The following FANCD2 variants were observed in gnomAD, a reference collection of about 807,000 sequenced individuals.
The protein encoded by FANCD2 is Fanconi anemia group D2 protein.
A neutral mutation model predicts 192.3 loss-of-function variants in FANCD2; 131 were observed. That is an observed-to-expected ratio of 0.68 (90% CI 0.59 to 0.79). The LOEUF (loss-of-function observed/expected upper bound fraction) is 0.79. FANCD2 is among the 30% of genes least tolerant of loss of function. FANCD2 has a pLI of 0.00. For synonymous variants in FANCD2, 524 were observed against 612.5 expected, an observed-to-expected ratio of 0.86 and a Z score of 2.13; for missense variants, 1,508 against 1,701.6, an observed-to-expected ratio of 0.89 and a Z score of 2.00.
chr3:10,081,581 G>T (rs1284701226), intron 32 of FANCD2, 117 bp downstream of exon 32: 2 of 816,280 alleles, frequency 2.5e-6, no homozygotes, highest in Non-Finnish European at 4.3e-6. Flanking sequence ...TGTGAATATG[G>T]TTCATTAATT....
intron 9 of FANCD2, chr3:10,041,332 C>T (rs1165011544): frequency 1.1e-4 from 37 of 322,234 alleles, no homozygotes; most frequent in Non-Finnish European, 2.9e-5. Context: ...TTTCTTTTTC[C>T]TTTTTGCGGG....
At chr3:10,096,865 A>T in intron 42 of FANCD2, among the ~76,000 whole-genome samples, 1 of 152,176 alleles carries the variant, frequency 6.6e-6, no homozygotes, top group East Asian at 1.9e-4. Context: ...GTCTTATTCC[A>T]GAAATTACAA....
At chr3:10,089,060 A>C in intron 36 of FANCD2, 110 bp downstream of exon 36, 1 of 1,252,556 alleles carries the variant, frequency 8.0e-7, no homozygotes. Flanking sequence ...AGGCAGGAGG[A>C]TCACCTTGAG....
chr3:10,035,516 T>C (rs1363804601), intron 6 of FANCD2, among the ~76,000 whole-genome samples: 1 of 152,240 alleles, frequency 6.6e-6, no homozygotes, highest in African/African-American at 2.4e-5. Context: ...TCTGGTAATC[T>C]TTATCATATT....
chr3:10,090,281 C>A lies in FANCD2; in HGVS notation c.3684-11C>A. 1.2e-6 allele frequency: 2 copies of A among 1,608,208 alleles called. No individual in the cohort carries two copies. Among genetic ancestry groups the A allele is most frequent in the Admixed American group, 1.7e-5 (1 of 59,916 alleles). ...CATGGTGTGGGCACGCATGCTTTTCCCGTCTTCTAGGCATACTTTTGTTGT... is the reference window on the plus strand; with the variant it reads ...CATGGTGTGGGCACGCATGCTTTTCACGTCTTCTAGGCATACTTTTGTTGT... On this transcript the variant is annotated splice_polypyrimidine_tract_variant and intron_variant, in intron 36 of 43. Coordinates refer to ENST00000675286, the MANE Select transcript of FANCD2 (RefSeq NM_001018115.3).
At chr3:10,062,290 C>G (rs2125030173) in intron 20 of FANCD2, 79 bp downstream of exon 20, 1 of 1,172,440 alleles carries the variant, frequency 8.5e-7, no homozygotes, top group Non-Finnish European at 1.2e-6. Context: ...ACCCAACCTG[C>G]AGTGCAGTGG....
chr3:10,087,014 G>A, intron 33 of FANCD2, 120 bp from the exon 34 acceptor site: 1 of 1,071,764 alleles, frequency 9.3e-7, no homozygotes, highest in Non-Finnish European at 1.4e-6. Context: ...CTGAAAATAA[G>A]GAGGATTCTG....
chr3:10,066,217 A>G (rs1237989648), intron 25 of FANCD2, among the ~76,000 whole-genome samples: 1 of 152,212 alleles, frequency 6.6e-6, no homozygotes, highest in Non-Finnish European at 1.5e-5. Flanking sequence ...CCTTCTCCCT[A>G]GAATGACCTT....
chr3:10,084,901 C>T (rs1344029236), intron 32 of FANCD2, among the ~76,000 whole-genome samples: 1 of 152,040 alleles, frequency 6.6e-6, no homozygotes, highest in African/African-American at 2.4e-5. Flanking sequence ...CTTCTGGCAG[C>T]AGAGTGCAGG....
chr3:10,094,231 CAG>C, intron 39 of FANCD2, 56 bp from the exon 40 acceptor site: 1 of 1,309,430 alleles, frequency 7.6e-7, no homozygotes, highest in Non-Finnish European at 1.1e-6. Context: ...TATTCTGCCT[CAG>C]GGGCCTTTCA....
intron 26 of FANCD2, among the ~76,000 whole-genome samples, chr3:10,069,692 A>T (rs1381638679): frequency 6.6e-6 from 1 of 151,988 alleles, no homozygotes; most frequent in Non-Finnish European, 1.5e-5. Flanking sequence ...TCCAGCTCCT[A>T]ACCGCGAGTG....
chr3:10,043,783 C>G (rs1482673308), intron 13 of FANCD2, 46 bp from the exon 14 acceptor site: 2 of 1,577,132 alleles, frequency 1.3e-6, no homozygotes, highest in South Asian at 1.1e-5. Flanking sequence ...TAACGTGTTT[C>G]GCTGATGTGT....
intron 1 of FANCD2, 100 bp downstream of exon 1, chr3:10,026,573 C>T (rs2086456089): frequency 4.1e-6 from 1 of 245,552 alleles, no homozygotes; most frequent in Admixed American, 6.5e-5. Context: ...TCTGGGGCTC[C>T]GCGCCCCGAA....
chr3:10,072,420 A>C (rs778324363), intron 26 of FANCD2, among the ~76,000 whole-genome samples: 4 of 151,864 alleles, frequency 2.6e-5, no homozygotes, highest in Admixed American at 6.6e-5. Context: ...CTGGGATTAC[A>C]GGCGTCTGCC....
chr3:10,073,237 C>A lies in FANCD2; in HGVS notation c.2606-16C>A. ...TATTAATTACTTGAGTCACTTTTCT[C>A]TTTTTAATATAAAAGAAAGGAAACA... On this transcript the variant is annotated splice_polypyrimidine_tract_variant and intron_variant, in intron 27 of 43. Coordinates refer to ENST00000675286, the MANE Select transcript of FANCD2 (RefSeq NM_001018115.3). 2 of 1,596,424 alleles carry A rather than the reference C, an allele frequency of 1.3e-6. No individual in the cohort carries two copies. The highest frequency in any genetic ancestry group is 2.2e-5 in the East Asian group (1 of 44,802).
intron 1 of FANCD2, among the ~76,000 whole-genome samples, chr3:10,027,625 C>A (rs2086484286): frequency 6.6e-6 from 1 of 152,164 alleles, no homozygotes; most frequent in African/African-American, 2.4e-5. Context: ...CTTCTTCAGG[C>A]CGGGCGCGGT....
chr3:10,099,065 A>AT, intron 43 of FANCD2: 1 of 1,569,832 alleles, frequency 6.4e-7, no homozygotes, highest in Non-Finnish European at 8.6e-7. Context: ...AATTTTCTGC[A>AT]TTATAGCCTC....
chr3:10,087,267 G>A lies in FANCD2; in HGVS notation c.3466+3G>A, dbSNP rs1312852589. ...TGCTCAGAACAAAGAAAAAATTGGT[G>A]ATGGGCCTAGATCCTTTTTTTTTTT... On this transcript the variant is annotated splice_donor_region_variant and intron_variant, in intron 34 of 43. Transcript: ENST00000675286. 2 of 1,567,310 alleles carry A rather than the reference G, an allele frequency of 1.3e-6. No homozygotes were observed. Among genetic ancestry groups the A allele is most frequent in the Admixed American group, 1.7e-5 (1 of 58,752 alleles).
Position 10,040,121 on chromosome 3 carries a change from G to A in FANCD2, c.695+276G>A, listed in dbSNP as rs35441595. 5.3e-3 allele frequency: 2,193 copies of A among 417,292 alleles called. 13 individuals carry two copies. Among genetic ancestry groups the A allele is most frequent in the Non-Finnish European group, 7.2e-3 (1,690 of 234,878 alleles). The allele number at this position is 417,292 out of a possible 1,614,324, so 25.8% of individuals were successfully genotyped here. On this transcript the variant is annotated intron_variant, in intron 9 of 43. Coordinates refer to ENST00000675286, the MANE Select transcript of FANCD2 (RefSeq NM_001018115.3). Reference sequence around the variant, plus strand: ...GCGATCTCAGCTCACTGCAACCTCCGCCTCCTGGGTTCACCCCATTCTCCT... The same window carrying A: ...GCGATCTCAGCTCACTGCAACCTCCACCTCCTGGGTTCACCCCATTCTCCT...
Sources: gnomAD v4.1 joint callset for allele counts (sites outside exome capture counted in the v4.1 genomes callset) on GRCh38, gnomAD v4.1.1 for gene constraint, MANE v1.5 for transcripts, NCBI Gene and HGNC (gene_info 2026-07-23, HGNC 2026-07-21) for gene names.